Variants in NEK10 observed in about 807,000 individuals in gnomAD.
The protein encoded by NEK10 is serine/threonine-protein kinase Nek10.
A neutral mutation model predicts 159.8 loss-of-function variants in NEK10; 122 were observed. The observed-to-expected ratio is 0.76, with a 90% CI of 0.66 to 0.89. The LOEUF (loss-of-function observed/expected upper bound fraction) is 0.89, where lower values mean the gene tolerates loss of function less well. Ranked by LOEUF, NEK10 falls within the 40% of genes least tolerant of loss-of-function variation. The pLI is 0.00. For missense variants in NEK10, 1,342 were observed against 1,323.1 expected, an observed-to-expected ratio of 1.01 and a Z score of -0.22; for synonymous variants, 466 against 457.1, an observed-to-expected ratio of 1.02 and a Z score of -0.25.
intron 30 of NEK10, among the ~76,000 whole-genome samples, chr3:27,154,276 T>C (rs1945182188): frequency 6.6e-6 from 1 of 152,096 alleles, no homozygotes; most frequent in Admixed American, 6.5e-5. Context: ...TGAACAGACC[T>C]ATAACAAGCA....
intron 23 of NEK10, among the ~76,000 whole-genome samples, chr3:27,208,342 T>C (rs956012533): frequency 1.3e-5 from 2 of 152,314 alleles, no homozygotes; most frequent in Admixed American, 6.5e-5. Context: ...GATCCATCCA[T>C]GCCTTGATCT....
intron 1 of NEK10, among the ~76,000 whole-genome samples, chr3:27,355,076 G>A (rs2149838754): frequency 6.6e-6 from 1 of 152,322 alleles, no homozygotes; most frequent in Non-Finnish European, 1.5e-5. Flanking sequence ...GACTCCATGT[G>A]GAAGAGCTGT....
chr3:27,206,656 C>T, intron 23 of NEK10: 2 of 984,690 alleles, frequency 2.0e-6, no homozygotes, highest in African/African-American at 1.7e-5. Context: ...TTCCATTCTT[C>T]AAGCCCCTCA....
chr3:27,240,936 G>A (rs1203191723), intron 23 of NEK10, among the ~76,000 whole-genome samples: 1 of 152,118 alleles, frequency 6.6e-6, no homozygotes, highest in Non-Finnish European at 1.5e-5. Flanking sequence ...TTACAGGCAT[G>A]AGCCACCATG....
At chr3:27,364,413 A>G (rs2048913494) in intron 1 of NEK10, among the ~76,000 whole-genome samples, 1 of 145,924 alleles carries the variant, frequency 6.9e-6, no homozygotes. Flanking sequence ...TGTATAGTAG[A>G]GACGGGGTTT....
intron 23 of NEK10, among the ~76,000 whole-genome samples, chr3:27,242,640 T>C (rs1455817452): frequency 6.6e-6 from 1 of 152,226 alleles, no homozygotes; most frequent in Non-Finnish European, 1.5e-5. Flanking sequence ...ACTGGCATCT[T>C]ACTTCTCTCA....
chr3:27,319,753 A>C (rs1275244691), intron 6 of NEK10, among the ~76,000 whole-genome samples: 1 of 152,206 alleles, frequency 6.6e-6, no homozygotes, highest in African/African-American at 2.4e-5. Context: ...GTTGCGGGAT[A>C]ACCCAAATAT....
chr3:27,180,532 A>G (rs1337363977), intron 26 of NEK10, among the ~76,000 whole-genome samples: 1 of 152,202 alleles, frequency 6.6e-6, no homozygotes, highest in East Asian at 1.9e-4. Flanking sequence ...CAAAAAAACA[A>G]TGTCATTGAA....
At chr3:27,322,384 A>G in intron 5 of NEK10, 123 bp from the exon 6 acceptor site, 3 of 643,288 alleles carry the variant, frequency 4.7e-6, no homozygotes. Flanking sequence ...TGCACTGGGG[A>G]CTGTTATTTG....
chr3:27,258,141 T>C (rs1956408501), intron 22 of NEK10, among the ~76,000 whole-genome samples: 1 of 152,126 alleles, frequency 6.6e-6, no homozygotes, highest in African/African-American at 2.4e-5. Flanking sequence ...AATAATATAC[T>C]GCTGATATAT....
At chr3:27,348,950 C>T (rs1468166411) in intron 3 of NEK10, among the ~76,000 whole-genome samples, 4 of 152,102 alleles carry the variant, frequency 2.6e-5, no homozygotes, top group Non-Finnish European at 5.9e-5. Context: ...AAAAGTTCAT[C>T]CATTAATTCA....
intron 23 of NEK10, among the ~76,000 whole-genome samples, chr3:27,242,692 A>T (rs569824529): frequency 9.8e-5 from 15 of 152,350 alleles, no homozygotes; most frequent in African/African-American, 3.6e-4. Flanking sequence ...TTATGAAGAA[A>T]GTACACTTTG....
At chr3:27,294,023 C>T (rs1476651318) in intron 15 of NEK10, among the ~76,000 whole-genome samples, 5 of 152,178 alleles carry the variant, frequency 3.3e-5, no homozygotes, top group Non-Finnish European at 7.3e-5. Flanking sequence ...GCTATGTATA[C>T]CTCAATATTT....
chr3:27,320,484 A>G (rs2045541592), intron 6 of NEK10, among the ~76,000 whole-genome samples: 1 of 152,236 alleles, frequency 6.6e-6, no homozygotes, highest in Non-Finnish European at 1.5e-5. Flanking sequence ...CACTATGAAT[A>G]ATTAAGTGGG....
rs549455244 is a variant in NEK10, at chr3:27,152,552, T to C, written c.2869+10149A>G. Among the ~76,000 whole-genome samples the C allele has an allele frequency of 1.8e-4, 27 of 151,514 alleles. No individual in the cohort carries two copies. In the South Asian group the frequency reaches 5.6e-3, roughly 32 times the overall value. ...CAAAACAGCACCTACTTAAAGCATA[T>C]ATCAAACCCTCTAAAACAAAAATAC... On this transcript the variant is annotated intron_variant, in intron 30 of 35. Coordinates refer to ENST00000691995, the MANE Select transcript of NEK10 (RefSeq NM_001394966.1).
At chr3:27,166,800 A>G (rs756862620) in intron 29 of NEK10, among the ~76,000 whole-genome samples, 1 of 152,088 alleles carries the variant, frequency 6.6e-6, no homozygotes, top group Non-Finnish European at 1.5e-5. Flanking sequence ...TCTCTACTAA[A>G]AATACAAAAA....
chr3:27,148,501 T>C (rs762552438), intron 30 of NEK10, among the ~76,000 whole-genome samples: 5 of 152,216 alleles, frequency 3.3e-5, no homozygotes, highest in African/African-American at 4.8e-5. Context: ...AGGTCTTTGA[T>C]ATCCAGGTTT....
intron 29 of NEK10, among the ~76,000 whole-genome samples, chr3:27,171,293 T>C (rs1420007058): frequency 6.6e-6 from 1 of 152,196 alleles, no homozygotes; most frequent in Admixed American, 6.5e-5. Flanking sequence ...CCCTTGCAAC[T>C]AGCTGTGGTC....
At chr3:27,341,882 T>C (rs2047224649) in intron 5 of NEK10, among the ~76,000 whole-genome samples, 1 of 152,176 alleles carries the variant, frequency 6.6e-6, no homozygotes, top group Admixed American at 6.5e-5. Context: ...ATAAGTCATA[T>C]TTTCAGGGCA....
Sources: gnomAD v4.1 joint callset for allele counts (sites outside exome capture counted in the v4.1 genomes callset) on GRCh38, gnomAD v4.1.1 for gene constraint, MANE v1.5 for transcripts, NCBI Gene and HGNC (gene_info 2026-07-23, HGNC 2026-07-21) for gene names.